The following COL24A1 variants were observed in gnomAD, a reference collection of about 807,000 sequenced individuals.
COL24A1 encodes collagen type XXIV alpha 1 chain.
Under a neutral mutation model 253.9 loss-of-function variants are expected in COL24A1, and 224 were observed. The ratio of observed to expected loss-of-function variants is 0.88; its 90% CI spans 0.79 to 0.99. COL24A1 has a LOEUF of 0.99. COL24A1 is among the 50% of genes least tolerant of loss of function. The pLI is 0.00. For synonymous variants in COL24A1, 685 were observed against 673.7 expected, an observed-to-expected ratio of 1.02 and a Z score of -0.26; for missense variants, 2,131 against 2,068.5, an observed-to-expected ratio of 1.03 and a Z score of -0.59.
chr1:85,888,848 C>A (rs1230027094), intron 32 of COL24A1, among the ~76,000 whole-genome samples: 1 of 152,014 alleles, frequency 6.6e-6, no homozygotes, highest in African/African-American at 2.4e-5. Context: ...CACCTGTAAA[C>A]CTTTGTGTCA....
At chr1:85,833,321 T>C (rs537844965) in intron 43 of COL24A1, among the ~76,000 whole-genome samples, 1 of 152,124 alleles carries the variant, frequency 6.6e-6, no homozygotes, top group African/African-American at 2.4e-5. Flanking sequence ...GAACAGACAC[T>C]TCTCAAAAGA....
intron 19 of COL24A1, among the ~76,000 whole-genome samples, chr1:86,002,842 C>T (rs569494267): frequency 1.1e-4 from 16 of 152,118 alleles, no homozygotes; most frequent in African/African-American, 3.6e-4. Context: ...TACTCCACCA[C>T]AAAAAAAGGA....
chr1:85,758,612 T>C lies in COL24A1; in HGVS notation c.4437+2784A>G, dbSNP rs145750063. Among the ~76,000 whole-genome samples the C allele has an allele frequency of 2.3e-4, 35 of 152,250 alleles. 1 individual carries two copies. In the East Asian group the frequency reaches 6.8e-3, roughly 29 times the overall value. ...ACATTTCCTTTTAGCTATTCCACTT[T>C]AGAGAACTGAGCAAGTTACTTTAGT... On this transcript the variant is annotated intron_variant, in intron 55 of 59. Transcript: ENST00000370571.
intron 47 of COL24A1, among the ~76,000 whole-genome samples, chr1:85,794,830 A>C (rs1341149674): frequency 6.6e-6 from 1 of 152,170 alleles, no homozygotes; most frequent in African/African-American, 2.4e-5. Flanking sequence ...CATGTGTATT[A>C]AAAATTAATA....
intron 2 of COL24A1, among the ~76,000 whole-genome samples, chr1:86,140,423 A>C (rs1163722816): frequency 2.6e-5 from 4 of 152,236 alleles, no homozygotes; most frequent in Non-Finnish European, 5.9e-5. Flanking sequence ...TTTATTTATA[A>C]AATGAGAAAT....
intron 20 of COL24A1, among the ~76,000 whole-genome samples, chr1:85,978,578 T>TA (rs1222595360): frequency 5.3e-5 from 8 of 151,218 alleles, no homozygotes; most frequent in Non-Finnish European, 8.9e-5. Context: ...CAATAACAGT[T>TA]AAAAAAAAGA....
intron 19 of COL24A1, among the ~76,000 whole-genome samples, chr1:85,990,322 G>C (rs1161448269): frequency 6.6e-6 from 1 of 152,176 alleles, no homozygotes; most frequent in Non-Finnish European, 1.5e-5. Flanking sequence ...CAGTTTCATG[G>C]AAGACAATTT....
chr1:85,781,960 C>T (rs574081364), intron 51 of COL24A1, among the ~76,000 whole-genome samples: 16 of 152,200 alleles, frequency 1.1e-4, no homozygotes, highest in Non-Finnish European at 2.2e-4. Flanking sequence ...TTCCTACAAA[C>T]TTCAGCTTCC....
chr1:85,842,105 GGTT>G lies in COL24A1; in HGVS notation c.3530_3532del (p.Gln1177del). ...AGGTCCTGGCAATCCAGAGGGTCCT[GGTT>G]GGCCCTGATGGCCCTACGAAAGGAC... On this transcript the variant is annotated inframe_deletion, in exon 41 of 60. Coordinates refer to ENST00000370571, the MANE Select transcript of COL24A1 (RefSeq NM_152890.7). 6.2e-7 allele frequency: 1 copy of G among 1,613,718 alleles called. No individual in the cohort carries two copies. The highest frequency in any genetic ancestry group is 8.5e-7 in the Non-Finnish European group (1 of 1,179,746).
In COL24A1 at chr1:85,987,656, T is replaced by C. The variant is rs754188881; in HGVS notation, c.2311-2A>G. Reference sequence around the variant, plus strand: ...AATCCCAATATCTCCTGGAAAACCCTAGGGAATATAAAAATGTAGCGTTTA... The same window carrying C: ...AATCCCAATATCTCCTGGAAAACCCCAGGGAATATAAAAATGTAGCGTTTA... On this transcript the variant is annotated splice_acceptor_variant, in intron 19 of 59. Coordinates refer to ENST00000370571, the MANE Select transcript of COL24A1 (RefSeq NM_152890.7). LOFTEE classifies it high-confidence loss of function. 4 of 1,607,234 alleles carry C rather than the reference T, an allele frequency of 2.5e-6. No homozygotes were observed. The South Asian group carries it at 4.5e-5, about 18-fold the overall frequency.
intron 14 of COL24A1, among the ~76,000 whole-genome samples, chr1:86,029,037 G>T (rs901495526): frequency 6.6e-6 from 1 of 151,998 alleles, no homozygotes; most frequent in African/African-American, 2.4e-5. Context: ...CATGCTAATA[G>T]ATTAAATAAA....
At chr1:85,846,339 G>A (rs1677138878) in intron 39 of COL24A1, among the ~76,000 whole-genome samples, 1 of 151,712 alleles carries the variant, frequency 6.6e-6, no homozygotes, top group Non-Finnish European at 1.5e-5. Context: ...GGTAGGGGAG[G>A]CATTTCTAAT....
In COL24A1 at chr1:85,775,682, C is replaced by T; in HGVS notation, c.4366G>A (p.Gly1456Ser). The T allele has an allele frequency of 6.2e-7, 1 of 1,606,786 alleles. No homozygotes were observed. Among genetic ancestry groups the T allele is most frequent in the Non-Finnish European group, 8.5e-7 (1 of 1,177,618 alleles). The change falls in exon 53 of 60, where the codon GGT becomes AGT. Residue 1456 changes from glycine to serine, a missense_variant. By Grantham distance (56) the Gly-to-Ser change is moderately conservative. Transcript: ENST00000370571. ...AATTTAGTTAAACTTACAGTTTCAC[C>T]TCTAAAGCCCTTTTCACCTCTGGGT... is the stretch of plus-strand genomic sequence containing the variant. ...TGPRGEKGFR[G>S]ETGPQGPRGQ...
intron 19 of COL24A1, among the ~76,000 whole-genome samples, chr1:86,000,778 G>T (rs1354092424): frequency 1.3e-5 from 2 of 152,256 alleles, no homozygotes; most frequent in African/African-American, 2.4e-5. Context: ...ATTCATTTTT[G>T]TCATAAACAA....
At chr1:85,884,468 CCTTTAGCTATAAT>C (rs1682232802) in intron 32 of COL24A1, among the ~76,000 whole-genome samples, 1 of 152,036 alleles carries the variant, frequency 6.6e-6, no homozygotes, top group African/African-American at 2.4e-5. Flanking sequence ...TGGCACAGTT[CCTTTAGCTATAAT>C]CTGTTATTGC....
At chr1:86,021,568 TGAA>T (rs1309952872) in intron 18 of COL24A1, among the ~76,000 whole-genome samples, 1 of 152,170 alleles carries the variant, frequency 6.6e-6, no homozygotes, top group African/African-American at 2.4e-5. Context: ...AGGATTGTTG[TGAA>T]GATTAATTTA....
At chr1:85,760,803 T>G (rs1479094711) in intron 55 of COL24A1, among the ~76,000 whole-genome samples, 1 of 152,024 alleles carries the variant, frequency 6.6e-6, no homozygotes, top group East Asian at 1.9e-4. Context: ...ACAAACAGAC[T>G]GCGGAATATG....
At chr1:85,772,722 T>C (rs1185087568) in intron 53 of COL24A1, among the ~76,000 whole-genome samples, 1 of 152,050 alleles carries the variant, frequency 6.6e-6, no homozygotes, top group Non-Finnish European at 1.5e-5. Flanking sequence ...GGGTTGTTTG[T>C]TTTTTCTTAT....
Position 85,875,349 on chromosome 1 carries a change from A to G in COL24A1, c.3031-19T>C, listed in dbSNP as rs745980955. The stretch of plus-strand genomic sequence containing the variant: ...GAGGTCCCTACAAGAGAATAATTTA[A>G]CACATTACAAAGGCAATAGCAATCT... On this transcript the variant is annotated intron_variant, in intron 33 of 59. Transcript: ENST00000370571. 11 of 1,606,690 alleles carry G rather than the reference A, an allele frequency of 6.8e-6. No individual in the cohort carries two copies. Among genetic ancestry groups the G allele is most frequent in the Non-Finnish European group, 8.5e-6 (10 of 1,173,464 alleles).
Sources: gnomAD v4.1 joint callset for allele counts (sites outside exome capture counted in the v4.1 genomes callset) on GRCh38, gnomAD v4.1.1 for gene constraint, MANE v1.5 for transcripts, NCBI Gene and HGNC (gene_info 2026-07-23, HGNC 2026-07-21) for gene names.